Variants in SLCO1A2 observed in about 807,000 individuals in gnomAD.
SLCO1A2 encodes the protein solute carrier organic anion transporter family member 1A2, also known as OATP-1.
SLCO1A2 carries 67 observed loss-of-function variants against 69.0 expected under a neutral mutation model. The ratio of observed to expected loss-of-function variants is 0.97; its 90% CI spans 0.80 to 1.19. The LOEUF (loss-of-function observed/expected upper bound fraction) is 1.19, where lower values mean the gene tolerates loss of function less well. Among genes scored for constraint, SLCO1A2 ranks in the 50% most tolerant of loss-of-function variants. The probability of loss-of-function intolerance (pLI) is 0.00; values close to 1 mark genes in which losing one functional copy is unlikely to be tolerated. For missense variants in SLCO1A2, 787 were observed against 793.7 expected, an observed-to-expected ratio of 0.99 and a Z score of 0.10; for synonymous variants, 260 against 265.9, an observed-to-expected ratio of 0.98 and a Z score of 0.22.
intron 1 of SLCO1A2, chr12:21,403,540 G>A (rs1200866859): frequency 6.6e-6 from 1 of 152,004 alleles, no homozygotes; most frequent in African/African-American, 2.4e-5. Flanking sequence ...GTAAGCTGCA[G>A]CTTCTTGTTC....
intron 2 of SLCO1A2, among the ~76,000 whole-genome samples, chr12:21,352,448 A>G (rs1938036453): frequency 6.6e-6 from 1 of 152,190 alleles, no homozygotes; most frequent in African/African-American, 2.4e-5. Flanking sequence ...AGATCATCTG[A>G]TCGAGGAATC....
At chr12:21,351,045 T>C (rs1431675545) in intron 2 of SLCO1A2, among the ~76,000 whole-genome samples, 1 of 152,102 alleles carries the variant, frequency 6.6e-6, no homozygotes, top group Admixed American at 6.5e-5. Context: ...CAACACAGCC[T>C]GTATTCCAAC....
chr12:21,339,880 G>T (rs1953010588), upstream of SLCO1A2, among the ~76,000 whole-genome samples: 1 of 151,972 alleles, frequency 6.6e-6, no homozygotes, highest in Non-Finnish European at 1.5e-5. Flanking sequence ...AGGATCAGAG[G>T]ATAGGAGAGA....
intron 2 of SLCO1A2, among the ~76,000 whole-genome samples, chr12:21,366,891 G>A (rs1939430899): frequency 6.6e-6 from 1 of 151,920 alleles, no homozygotes; most frequent in African/African-American, 2.4e-5. Context: ...ATTAATAAAA[G>A]CGTTTTGGGA....
intron 2 of SLCO1A2, among the ~76,000 whole-genome samples, chr12:21,321,920 T>C (rs912197810): frequency 8.5e-5 from 13 of 152,284 alleles, no homozygotes; most frequent in African/African-American, 2.4e-4. Flanking sequence ...TAAGTTCCTC[T>C]CTCATTATTC....
chr12:21,308,710 G>C (rs143609765), intron 4 of SLCO1A2, among the ~76,000 whole-genome samples: 1,800 of 152,310 alleles, frequency 0.012, 17 homozygotes, highest in Non-Finnish European at 0.019. Context: ...ACAGATTGAA[G>C]AATTCCTGTC....
intron 1 of SLCO1A2, among the ~76,000 whole-genome samples, chr12:21,416,109 C>T (rs1347023187): frequency 3.3e-5 from 5 of 151,868 alleles, no homozygotes; most frequent in Non-Finnish European, 2.9e-5. Context: ...ATGTTTATTA[C>T]TTTAATTTTT....
At chr12:21,387,380 A>T (rs1021964455) in intron 1 of SLCO1A2, among the ~76,000 whole-genome samples, 1 of 152,134 alleles carries the variant, frequency 6.6e-6, no homozygotes, top group Non-Finnish European at 1.5e-5. Context: ...CTAGGGAGGA[A>T]AAATGATTTC....
chr12:21,378,104 A>G (rs1940337946), intron 1 of SLCO1A2: 5 of 783,122 alleles, frequency 6.4e-6, no homozygotes, highest in South Asian at 1.8e-5. Flanking sequence ...GGTGTTTGCA[A>G]ACCAAAACAC....
chr12:21,312,323 T>C (rs931695356), intron 4 of SLCO1A2, among the ~76,000 whole-genome samples: 2 of 152,202 alleles, frequency 1.3e-5, no homozygotes, highest in African/African-American at 4.8e-5. Flanking sequence ...TAATCTCTCT[T>C]AACTTTCGTA....
At chr12:21,412,197 A>C (rs958186238) in intron 1 of SLCO1A2, among the ~76,000 whole-genome samples, 1 of 152,082 alleles carries the variant, frequency 6.6e-6, no homozygotes, top group African/African-American at 2.4e-5. Context: ...CCTAACCAAC[A>C]TGGAGAAACC....
intron 11 of SLCO1A2, among the ~76,000 whole-genome samples, chr12:21,293,267 C>T (rs866399040): frequency 2.6e-5 from 4 of 152,206 alleles, no homozygotes; most frequent in Non-Finnish European, 5.9e-5. Flanking sequence ...CATGCCACTG[C>T]ACTCCAGCTT....
exon 1 of SLCO1A2, chr12:21,417,983 C>A (rs1942014294): frequency 6.6e-6 from 1 of 152,152 alleles, no homozygotes; most frequent in South Asian, 2.1e-4. Flanking sequence ...CACCATGGGT[C>A]TCTATTGAGG....
chr12:21,373,492 T>A, intron 2 of SLCO1A2: 1 of 1,102,072 alleles, frequency 9.1e-7, no homozygotes, highest in Non-Finnish European at 1.4e-6. Context: ...AAATTAGAAT[T>A]AAATACTGTC....
intron 12 of SLCO1A2, among the ~76,000 whole-genome samples, chr12:21,279,311 G>T (rs1412323512): frequency 6.6e-6 from 1 of 152,174 alleles, no homozygotes; most frequent in Admixed American, 6.5e-5. Context: ...GATAATAGCA[G>T]AGAACTTCCC....
At chr12:21,406,478 T>C (rs983790698) in intron 1 of SLCO1A2, among the ~76,000 whole-genome samples, 3 of 152,214 alleles carry the variant, frequency 2.0e-5, no homozygotes, top group Non-Finnish European at 4.4e-5. Context: ...GAAATTTCAA[T>C]CTTTCATTTC....
At chr12:21,418,202 G>A (rs1942018699), upstream of SLCO1A2, among the ~76,000 whole-genome samples, 1 of 152,044 alleles carries the variant, frequency 6.6e-6, no homozygotes, top group South Asian at 2.1e-4. Context: ...TGGTGCCCCT[G>A]GATATCAATA....
At chr12:21,357,762 G>A (rs1238597867) in intron 2 of SLCO1A2, among the ~76,000 whole-genome samples, 6 of 152,034 alleles carry the variant, frequency 3.9e-5, no homozygotes, top group African/African-American at 1.2e-4. Context: ...CCTTTCTAAA[G>A]CTCCTAATCT....
At chr12:21,416,674 AC>A (rs1941994772) in intron 1 of SLCO1A2, among the ~76,000 whole-genome samples, 1 of 151,998 alleles carries the variant, frequency 6.6e-6, no homozygotes, top group Admixed American at 6.5e-5. Flanking sequence ...CTGACTATTC[AC>A]AGGAGCAATT....
Sources: allele counts gnomAD v4.1 joint callset (sites outside exome capture counted in the v4.1 genomes callset), GRCh38; gene constraint gnomAD v4.1.1; transcripts MANE v1.5; gene names NCBI Gene and HGNC (gene_info 2026-07-23, HGNC 2026-07-21).